The following RAPGEF3 variants were observed in gnomAD, a reference collection of about 807,000 sequenced individuals.
RAPGEF3 encodes the protein Rap guanine nucleotide exchange factor 3, also known as 9330170P05Rik.
In RAPGEF3, 103 loss-of-function variants were observed where a neutral mutation model predicts 129.8. The observed-to-expected ratio is 0.79, with a 90% CI of 0.68 to 0.93. The LOEUF (loss-of-function observed/expected upper bound fraction) is 0.93, where lower values mean the gene tolerates loss of function less well. Ranked by LOEUF, RAPGEF3 falls within the 40% of genes least tolerant of loss-of-function variation. RAPGEF3 has a pLI of 0.00. For synonymous variants in RAPGEF3, 436 were observed against 482.6 expected, an observed-to-expected ratio of 0.90 and a Z score of 1.26; for missense variants, 1,117 against 1,207.4, an observed-to-expected ratio of 0.93 and a Z score of 1.11.
Position 47,741,524 on chromosome 12 carries a change from G to A in RAPGEF3, c.1904C>T (p.Pro635Leu), listed in dbSNP as rs1320681866. 1.2e-6 allele frequency: 2 copies of A among 1,614,094 alleles called. No homozygotes were observed. The highest frequency in any genetic ancestry group is 2.2e-5 in the South Asian group (2 of 91,088). Residue 635 changes from proline (P) to leucine (L), a missense_variant, in exon 19 of 28, where the codon CCA becomes CTA. By Grantham distance (98) the Pro-to-Leu change is moderately conservative. Transcript: ENST00000449771. ...CCCTACCAGCTCATGCACTTCCTGT[G>A]GGTTGACAACAAAGAGACGCTCATT... ...GLNERLFVVN[P>L]QEVHELIPHP...
At position 47,748,553 on chromosome 12, in the gene RAPGEF3, T is replaced by C. The variant is rs749098995; in HGVS notation, c.1155-11A>G. 6.1e-5 allele frequency: 99 copies of C among 1,610,140 alleles called. No homozygotes were observed. Among genetic ancestry groups the C allele is most frequent in the Non-Finnish European group, 7.6e-5 (90 of 1,177,114 alleles). ...GACATCACTGTATACCTAGCAGAAA[T>C]GGCCAATCTTTGGCACTGGTGCCAC... On this transcript the variant is annotated splice_polypyrimidine_tract_variant and intron_variant, in intron 11 of 27. Transcript: ENST00000449771.
At position 47,758,422 on chromosome 12, in the gene RAPGEF3, G is replaced by A. The variant is rs1351012620; in HGVS notation, c.6+129C>T. ...CTAGGTCTCCCAGAAATGCAGCTTCGGCTTAAACCCTTCTCCTCTCCTCCT... is the reference window on the plus strand; with the variant it reads ...CTAGGTCTCCCAGAAATGCAGCTTCAGCTTAAACCCTTCTCCTCTCCTCCT... On this transcript the variant is annotated intron_variant, in intron 1 of 27. Transcript: ENST00000449771. 22 of 1,545,854 alleles carry A rather than the reference G, an allele frequency of 1.4e-5. No individual in the cohort carries two copies. The East Asian group carries it at 3.0e-4, about 21-fold the overall frequency.
intron 25 of RAPGEF3, 37 bp from the exon 26 acceptor site, chr12:47,738,284 G>C (rs768277848): frequency 1.6e-5 from 26 of 1,610,386 alleles, no homozygotes; most frequent in Non-Finnish European, 1.9e-5. Context: ...CTTGCCTGAG[G>C]GAGAAACCCT....
chr12:47,753,413 G>A (rs1941870280), intron 2 of RAPGEF3, among the ~76,000 whole-genome samples: 1 of 152,206 alleles, frequency 6.6e-6, no homozygotes, highest in Non-Finnish European at 1.5e-5. Flanking sequence ...GACCTGCTGG[G>A]GAGTTGCAGT....
chr12:47,739,002 A>G lies in RAPGEF3; in HGVS notation c.2461+141T>C, dbSNP rs1038122023. Reference sequence around the variant, plus strand: ...TCATCTCTGCACTCCCTGAGGCATCAGCACTTGAGGTATAATCTCTCCAAC... The same window carrying G: ...TCATCTCTGCACTCCCTGAGGCATCGGCACTTGAGGTATAATCTCTCCAAC... On this transcript the variant is annotated intron_variant, in intron 24 of 27. Coordinates refer to ENST00000449771, the MANE Select transcript of RAPGEF3 (RefSeq NM_001098531.4). 5 of 773,592 alleles carry G rather than the reference A, an allele frequency of 6.5e-6. No homozygotes were observed. In the Admixed American group the frequency reaches 1.4e-4, roughly 21 times the overall value. The allele number at this position is 773,592 out of a possible 1,614,324, so 47.9% of individuals were successfully genotyped here. A position where few individuals can be genotyped will look rare whatever the true frequency, so the allele number is the denominator to read the frequency against.
chr12:47,757,928 T>C lies in RAPGEF3; in HGVS notation c.157A>G (p.Ser53Gly). ...TCCAGCAGCAGCTGGTAGGAGCAGC[T>C]TCGGGGCCGGTGCATCCTTCTCAAC... is the stretch of plus-strand genomic sequence containing the variant. ...MVLRRMHRPRSCSYQLLLEHQ... is the reference protein window; with the variant it reads ...MVLRRMHRPRGCSYQLLLEHQ... The change falls in exon 2 of 28, where the codon AGC becomes GGC. Residue 53 changes from serine to glycine, a missense_variant. Physicochemically the swap from Ser to Gly is moderately conservative, Grantham distance 56 (BLOSUM62 0). Coordinates refer to ENST00000449771, the MANE Select transcript of RAPGEF3 (RefSeq NM_001098531.4). 1 of 1,556,848 alleles carries C rather than the reference T, an allele frequency of 6.4e-7. No individual in the cohort carries two copies. The highest frequency in any genetic ancestry group is 8.7e-7 in the Non-Finnish European group (1 of 1,150,054).
rs531007903 is a variant in RAPGEF3 at position 47,739,044 on chromosome 12, CAGAT to C, written c.2461+95_2461+98del. 6,761 of 1,107,330 alleles carry C rather than the reference CAGAT, an allele frequency of 6.1e-3. 45 individuals carry two copies. Among genetic ancestry groups the C allele is most frequent in the South Asian group, 0.015 (1,021 of 69,938 alleles). The allele number at this position is 1,107,330 out of a possible 1,614,324, so 68.6% of individuals were successfully genotyped here. A position where few individuals can be genotyped will look rare whatever the true frequency, so the allele number is the denominator to read the frequency against. On this transcript the variant is annotated intron_variant, in intron 24 of 27. Coordinates refer to ENST00000449771, the MANE Select transcript of RAPGEF3 (RefSeq NM_001098531.4). Reference sequence around the variant, plus strand: ...CTCTCCAACAGAGTGGGTGCACACACAGATAGGCATGGGATGGGGGATGGAGGCA... The same window carrying C: ...CTCTCCAACAGAGTGGGTGCACACACAGGCATGGGATGGGGGATGGAGGCA...
In RAPGEF3 at chr12:47,737,464, G is replaced by T. The variant is rs913148185; in HGVS notation, c.*103C>A. The stretch of plus-strand genomic sequence containing the variant: ...TCCAGGGACTCGAGTCCACTCCACG[G>T]AGAGCCTTGCCCAGCTGTGGCCAGC... On this transcript the variant is annotated 3_prime_UTR_variant, in exon 28 of 28. Transcript: ENST00000449771. 4.9e-6 allele frequency: 5 copies of T among 1,013,402 alleles called. No homozygotes were observed. The highest frequency in any genetic ancestry group is 7.3e-6 in the Non-Finnish European group (5 of 684,692). The allele number at this position is 1,013,402 out of a possible 1,614,324, so 62.8% of individuals were successfully genotyped here.
In RAPGEF3 at chr12:47,739,943, A is replaced by C. The variant is rs1289290639; in HGVS notation, c.2373+198T>G. 1.1e-5 allele frequency: 7 copies of C among 646,620 alleles called. No individual in the cohort carries two copies. In the African/African-American group the frequency reaches 1.3e-4, roughly 12 times the overall value. The allele number at this position is 646,620 out of a possible 1,614,324, so 40.1% of individuals were successfully genotyped here. On this transcript the variant is annotated intron_variant, in intron 23 of 27. Transcript: ENST00000449771. Reference sequence around the variant, plus strand: ...GGATGCACCGTGCAACCCCTATCCTAGTGCTGAACACCCCTTCCTCAGCCA... The same window carrying C: ...GGATGCACCGTGCAACCCCTATCCTCGTGCTGAACACCCCTTCCTCAGCCA...
chr12:47,751,227 G>C lies in RAPGEF3; in HGVS notation c.503-11C>G. 2.6e-6 allele frequency: 4 copies of C among 1,548,896 alleles called. No homozygotes were observed. Among genetic ancestry groups the C allele is most frequent in the Non-Finnish European group, 3.5e-6 (4 of 1,145,592 alleles). ...CCCAGTCGTGTTTCACTGGGGGGCA[G>C]AGGCCCAGGCGTGGGGGAGGAGAGG... On this transcript the variant is annotated splice_polypyrimidine_tract_variant and intron_variant, in intron 5 of 27. Transcript: ENST00000449771.
rs1239555937 is a variant in RAPGEF3 at position 47,749,434 on chromosome 12, G to T, written c.997C>A (p.His333Asn). The T allele has an allele frequency of 6.2e-7, 1 of 1,613,326 alleles. No homozygotes were observed. The highest frequency in any genetic ancestry group is 1.1e-5 in the South Asian group (1 of 91,072). Residue 333 changes from histidine (H) to asparagine (N), a missense_variant, in exon 10 of 28, where the codon CAT (histidine) becomes AAT (asparagine). Around this residue, in one of 3 missense-constraint regions of RAPGEF3, gnomAD observed 107 missense variants for 160.7 expected, o/e 0.67. Transcript: ENST00000449771. This position sits in a 1 kb window ranked among gnomAD's most constrained non-coding sequence, Gnocchi z 4.5. ...ATIILREDNCHFLRVDKQDFN... is the reference protein window; with the variant it reads ...ATIILREDNCNFLRVDKQDFN... ...TCCTGCTTGTCCACACGCAGGAAAT[G>T]ACAGTTGTCTTCTCGCAGGATGATG...
At position 47,751,065 on chromosome 12, in the gene RAPGEF3, A is replaced by G. The variant is rs1239933476; in HGVS notation, c.654T>C (p.Thr218=). The G allele has an allele frequency of 6.3e-7, 1 of 1,597,276 alleles. No individual in the cohort carries two copies. Among genetic ancestry groups the G allele is most frequent in the South Asian group, 1.1e-5 (1 of 87,552 alleles). ...TGACTCACGGCTTTCGAAGTGCCAC[A>G]GTGAGCAGGGCGTCAGGCCCCCGCT... ...LSQRGPDALL[T]VALRKPPGQR... is the part of the protein sequence containing the mutation. The change falls in exon 6 of 28, where the codon ACT becomes ACC. Residue 218 remains threonine, a synonymous_variant. Transcript: ENST00000449771.
chr12:47,747,927 C>T, intron 13 of RAPGEF3, 65 bp from the exon 14 acceptor site: 1 of 1,592,002 alleles, frequency 6.3e-7, no homozygotes. Context: ...AAAGGAGGGG[C>T]AGGATGCCCA....
chr12:47,741,796 A>G, intron 18 of RAPGEF3, 194 bp from the exon 19 acceptor site: 1 of 597,618 alleles, frequency 1.7e-6, no homozygotes, highest in Non-Finnish European at 3.0e-6. Flanking sequence ...AAGCACATCC[A>G]AGAGGATGAG....
Position 47,758,264 on chromosome 12 carries a change from G to A in RAPGEF3, c.7-186C>T, listed in dbSNP as rs538967820. The A allele has an allele frequency of 3.3e-5, 47 of 1,431,164 alleles. No homozygotes were observed. In the Admixed American group the frequency reaches 6.0e-4, roughly 18 times the overall value. 88.7% of individuals were successfully genotyped at this position (1,431,164 alleles called of 1,614,324 possible). A position where few individuals can be genotyped will look rare whatever the true frequency, so the allele number is the denominator to read the frequency against. ...CTTCACTGGGGCCTGCCGGTCTGGC[G>A]CACTTAGGGGTCTCCAGCTGGCTCT... On this transcript the variant is annotated intron_variant, in intron 1 of 27. Transcript: ENST00000449771.
intron 19 of RAPGEF3, 57 bp downstream of exon 19, chr12:47,741,448 C>T (rs1192335744): frequency 1.7e-5 from 25 of 1,513,704 alleles, no homozygotes; most frequent in Non-Finnish European, 2.2e-5. Context: ...GAATCCACCA[C>T]TGCCACACTC....
At chr12:47,751,296 C>G in intron 5 of RAPGEF3, 80 bp from the exon 6 acceptor site, 3 of 1,566,910 alleles carry the variant, frequency 1.9e-6, no homozygotes, top group Non-Finnish European at 2.6e-6. Context: ...CGATGCCACC[C>G]CTCAGCACTC....
chr12:47,749,656 A>C lies in RAPGEF3; in HGVS notation c.894+85T>G. On this transcript the variant is annotated intron_variant, in intron 9 of 27. Coordinates refer to ENST00000449771, the MANE Select transcript of RAPGEF3 (RefSeq NM_001098531.4). The surrounding 1 kb of genome is among the most constrained non-coding windows in gnomAD (Gnocchi z 4.5). ...GGAGACACGGGGTCAGCAGCAGTAGATCAACAAAGGCACTGCCCATGAGGA... is the reference window on the plus strand; with the variant it reads ...GGAGACACGGGGTCAGCAGCAGTAGCTCAACAAAGGCACTGCCCATGAGGA... The C allele has an allele frequency of 6.3e-7, 1 of 1,591,806 alleles. No individual in the cohort carries two copies. Among genetic ancestry groups the C allele is most frequent in the Non-Finnish European group, 8.6e-7 (1 of 1,166,906 alleles).
chr12:47,739,087 G>C, intron 24 of RAPGEF3, 56 bp downstream of exon 24: 1 of 1,419,846 alleles, frequency 7.0e-7, no homozygotes, highest in South Asian at 1.2e-5. Context: ...AGGGGGAAAT[G>C]GGGGATGGAG....
Sources: gnomAD v4.1 joint callset for allele counts (sites outside exome capture counted in the v4.1 genomes callset) on GRCh38, gnomAD v4.1.1 for gene constraint, gnomAD v4.1.1 regional missense constraint, Gnocchi (gnomAD v3.1) non-coding constraint, MANE v1.5 for transcripts, NCBI Gene and HGNC (gene_info 2026-07-23, HGNC 2026-07-21) for gene names.